RASSF6: variants seen among roughly 807,000 people sequenced by gnomAD.
RASSF6 encodes the protein Ras association domain family member 6, also known as ras association domain-containing protein 6.
A neutral mutation model predicts 44.0 loss-of-function variants in RASSF6; 52 were observed. The ratio of observed to expected loss-of-function variants is 1.18; its 90% CI spans 0.95 to 1.49. The LOEUF is 1.49. RASSF6 is among the 40% of genes most tolerant of loss of function. RASSF6 has a pLI of 0.00. For synonymous variants in RASSF6, 162 were observed against 124.6 expected, an observed-to-expected ratio of 1.30 and a Z score of -2.00; for missense variants, 464 against 393.3, an observed-to-expected ratio of 1.18 and a Z score of -1.52.
Position 73,581,858 on chromosome 4 carries a change from C to G in RASSF6, c.680G>C (p.Ser227Thr). ...QLLQKFKIEN[S>T]PQDFALHIIF... is the part of the protein sequence containing the mutation. ...AATGTGAAGAGCAAAATCCTGGGGA[C>G]TATTTTCAATCTGTCAAGGGAAAAA... The change falls in exon 8 of 11, where the codon AGT (serine) becomes ACT (threonine). Residue 227 changes from serine to threonine, a missense_variant. Physicochemically the swap from Ser to Thr is moderately conservative, Grantham distance 58 (BLOSUM62 1). Transcript: ENST00000307439. 2.5e-6 allele frequency: 4 copies of G among 1,609,726 alleles called. No homozygotes were observed. Among genetic ancestry groups the G allele is most frequent in the Non-Finnish European group, 3.4e-6 (4 of 1,176,632 alleles).
At chr4:73,594,884 A>G (rs1412738318) in intron 3 of RASSF6, among the ~76,000 whole-genome samples, 1 of 152,022 alleles carries the variant, frequency 6.6e-6, no homozygotes, top group Non-Finnish European at 1.5e-5. Flanking sequence ...AAAACCCACT[A>G]CTCTGCTGAG....
At chr4:73,592,280 A>C (rs1385022415) in intron 4 of RASSF6, among the ~76,000 whole-genome samples, 1 of 152,332 alleles carries the variant, frequency 6.6e-6, no homozygotes, top group South Asian at 2.1e-4. Flanking sequence ...GGTGATAATT[A>C]ATTTTCCCTA....
intron 4 of RASSF6, among the ~76,000 whole-genome samples, chr4:73,588,412 C>T (rs1163505764): frequency 6.6e-6 from 1 of 152,016 alleles, no homozygotes; most frequent in Non-Finnish European, 1.5e-5. Flanking sequence ...AGGCCCTTGA[C>T]TACCATGAAG....
Position 73,585,324 on chromosome 4 carries a change from T to C in RASSF6, c.423A>G (p.Ala141=), listed in dbSNP as rs1364671996. The change falls in exon 6 of 11, where the codon GCA becomes GCG. Residue 141 remains alanine (A), a synonymous_variant. Coordinates refer to ENST00000307439, the MANE Select transcript of RASSF6 (RefSeq NM_177532.5). ...SYHSNTLKPH[A]KDEPDSPVLY... is the part of the protein sequence containing the mutation. ...GCACTGGGGAGTCTGGTTCATCCTT[T>C]GCATGTGGCTTCAGGGTGTTGCTGT... 1.9e-6 allele frequency: 3 copies of C among 1,608,158 alleles called. No individual in the cohort carries two copies. Among genetic ancestry groups the C allele is most frequent in the Non-Finnish European group, 2.5e-6 (3 of 1,177,310 alleles).
At position 73,575,068 on chromosome 4, in the gene RASSF6, G is replaced by A. The variant is rs1365185754; in HGVS notation, c.*1167C>T. 1 of 152,062 alleles carries A rather than the reference G, an allele frequency of 6.6e-6. No individual in the cohort carries two copies. Among genetic ancestry groups the A allele is most frequent in the East Asian group, 1.9e-4 (1 of 5,200 alleles). 9.4% of individuals were successfully genotyped at this position (152,062 alleles called of 1,614,324 possible). ...AGGTTTGGTAATACTGAGAAGTAAT[G>A]CCTTTGTCTTAAAAATGTTTCATAT... On this transcript the variant is annotated 3_prime_UTR_variant, in exon 11 of 11. Transcript: ENST00000307439.
intron 4 of RASSF6, among the ~76,000 whole-genome samples, chr4:73,593,213 A>G (rs1317025538): frequency 1.3e-5 from 2 of 151,998 alleles, no homozygotes; most frequent in African/African-American, 4.8e-5. Flanking sequence ...ACAGGGTTTC[A>G]TCATGTTGGC....
intron 6 of RASSF6, among the ~76,000 whole-genome samples, chr4:73,582,855 C>T (rs1441285529): frequency 6.6e-6 from 1 of 151,918 alleles, no homozygotes; most frequent in Non-Finnish European, 1.5e-5. Flanking sequence ...CACACACACA[C>T]ACACGGCATT....
chr4:73,596,222 C>CTTTTTTTTTTTTTTTTTTTTTTTTT (rs1724933094), intron 3 of RASSF6, among the ~76,000 whole-genome samples: 1 of 152,090 alleles, frequency 6.6e-6, no homozygotes, highest in African/African-American at 2.4e-5. Flanking sequence ...ATGACATAAT[C>CTTTTTTTTTTTTTTTTTTTTTTTTT]TTATATTGAG....
At chr4:73,614,063 C>G (rs941505508) in intron 1 of RASSF6, among the ~76,000 whole-genome samples, 1 of 152,206 alleles carries the variant, frequency 6.6e-6, no homozygotes, top group South Asian at 2.1e-4. Context: ...TCCTCCTCCA[C>G]AATTCTTTCC....
intron 1 of RASSF6, among the ~76,000 whole-genome samples, chr4:73,619,884 A>G (rs2149403754): frequency 6.6e-6 from 1 of 152,174 alleles, no homozygotes; most frequent in South Asian, 2.1e-4. Context: ...CAGTGCGATG[A>G]TTCAACACAA....
chr4:73,599,462 G>A (rs1268226129), intron 2 of RASSF6, among the ~76,000 whole-genome samples: 6 of 152,186 alleles, frequency 3.9e-5, no homozygotes, highest in Non-Finnish European at 7.3e-5. Flanking sequence ...GTGCTGGTGA[G>A]TGACTCAGCG....
chr4:73,581,509 A>G (rs1350369875), intron 8 of RASSF6, among the ~76,000 whole-genome samples: 1 of 152,212 alleles, frequency 6.6e-6, no homozygotes, highest in Admixed American at 6.5e-5. Context: ...AGAAAGTTAC[A>G]GAGGTGAGCA....
intron 1 of RASSF6, chr4:73,615,839 C>A (rs1726318717): frequency 2.0e-6 from 3 of 1,464,390 alleles, no homozygotes; most frequent in Non-Finnish European, 2.8e-6. Context: ...GAACGTGGTT[C>A]ACCTCCCCCT....
rs962429688 is a variant in RASSF6 at position 73,620,406 on chromosome 4, C to T, written c.-153G>A. The T allele has an allele frequency of 1.3e-6, 2 of 1,538,382 alleles. No individual in the cohort carries two copies. The highest frequency in any genetic ancestry group is 2.8e-5 in the African/African-American group (2 of 72,248). ...TGGTAGAGGGAAACCAGTGCCCTGT[C>T]TCTGCCGGGCTGGGACTCCGCGAGT... On this transcript the variant is annotated 5_prime_UTR_variant, in exon 1 of 11. Coordinates refer to ENST00000307439, the MANE Select transcript of RASSF6 (RefSeq NM_177532.5).
Position 73,598,755 on chromosome 4 carries a change from G to C in RASSF6, c.66-37C>G, listed in dbSNP as rs552460704. 1.2e-3 allele frequency: 1,127 copies of C among 950,518 alleles called. 4 individuals are homozygous for C. Among genetic ancestry groups the C allele is most frequent in the Non-Finnish European group, 1.6e-3 (1,045 of 640,790 alleles). 58.9% of individuals were successfully genotyped at this position (950,518 alleles called of 1,614,324 possible). A position where few individuals can be genotyped will look rare whatever the true frequency, so the allele number is the denominator to read the frequency against. On this transcript the variant is annotated intron_variant, in intron 2 of 10. Coordinates refer to ENST00000307439, the MANE Select transcript of RASSF6 (RefSeq NM_177532.5). ...AAAAAATTAATTACAATCAGTCTTA[G>C]AGTTTTTAACGTAAAAGGTGATAAT...
rs1722961721 is a variant in RASSF6, at chr4:73,572,291, G to C, written c.*3944C>G. ...CCCCCAGAGCAAGTGGTCCAAGAGA[G>C]AGCAAGGAGGAAGCCACAGTGACTT... is the stretch of plus-strand genomic sequence containing the variant. On this transcript the variant is annotated 3_prime_UTR_variant, in exon 11 of 11. Transcript: ENST00000307439. 3.3e-5 allele frequency: 5 copies of C among 152,274 alleles called. No homozygotes were observed. In the South Asian group the frequency reaches 1.0e-3, roughly 32 times the overall value. 9.4% of individuals were successfully genotyped at this position (152,274 alleles called of 1,614,324 possible). A position where few individuals can be genotyped will look rare whatever the true frequency, so the allele number is the denominator to read the frequency against.
At chr4:73,607,551 C>T (rs1357888921) in intron 2 of RASSF6, among the ~76,000 whole-genome samples, 1 of 152,154 alleles carries the variant, frequency 6.6e-6, no homozygotes, top group Non-Finnish European at 1.5e-5. Context: ...GAACTGGGTT[C>T]CTTCCCTCAG....
chr4:73,601,259 T>C (rs542274506), intron 2 of RASSF6, among the ~76,000 whole-genome samples: 1 of 152,246 alleles, frequency 6.6e-6, no homozygotes, highest in Non-Finnish European at 1.5e-5. Flanking sequence ...CCAGGCTGCC[T>C]GTTTTTGTAA....
intron 1 of RASSF6, among the ~76,000 whole-genome samples, chr4:73,617,793 A>G (rs546283024): frequency 6.6e-6 from 1 of 152,252 alleles, no homozygotes; most frequent in African/African-American, 2.4e-5. Context: ...TTTTTGCAAC[A>G]GAATAACTCT....
Sources: gnomAD v4.1 joint callset for allele counts (sites outside exome capture counted in the v4.1 genomes callset) on GRCh38, gnomAD v4.1.1 for gene constraint, MANE v1.5 for transcripts, NCBI Gene and HGNC (gene_info 2026-07-23, HGNC 2026-07-21) for gene names.